The following KPNA7 variants were observed in gnomAD, a reference collection of about 807,000 sequenced individuals.
The protein encoded by KPNA7 is karyopherin subunit alpha 7, also known as importin subunit alpha-8.
KPNA7 carries 54 observed loss-of-function variants against 53.7 expected under a neutral mutation model. The ratio of observed to expected loss-of-function variants is 1.01; its 90% confidence interval spans 0.81 to 1.26. The LOEUF (loss-of-function observed/expected upper bound fraction) is 1.26. Among genes scored for constraint, KPNA7 ranks in the 50% most tolerant of loss-of-function variants. The pLI, the probability that KPNA7 is intolerant of heterozygous loss-of-function variation, is 0.00. For missense variants in KPNA7, 640 were observed against 644.5 expected (o/e 0.99, Z 0.07); for synonymous variants, 276 against 259.3 (o/e 1.06, Z -0.62).
intron 10 of KPNA7, among the ~76,000 whole-genome samples, chr7:99,175,485 CTTTATTTATTTATTTA>C (rs113345297): frequency 6.9e-5 from 10 of 145,438 alleles, no homozygotes; most frequent in East Asian, 6.0e-4. Flanking sequence ...GGCTTGAGAG[CTTTATTTATTTATTTA>C]TTTATTTATT....
chr7:99,154,070 G>T, the KPNA7 span, among the ~76,000 whole-genome samples: 1 of 151,362 alleles, frequency 6.6e-6, no homozygotes, highest in Non-Finnish European at 1.5e-5. Context: ...TGAAAGACAA[G>T]TAAATCAGGG....
chr7:99,164,928 G>A, the KPNA7 span, among the ~76,000 whole-genome samples: 52 of 151,730 alleles, frequency 3.4e-4, no homozygotes, highest in South Asian at 6.2e-4. Context: ...GCAAAACCCC[G>A]TCTGCTAAAA....
At chr7:99,207,302 G>T in intron 2 of KPNA7, 99 bp downstream of exon 2, 1 of 944,470 alleles carries the variant, frequency 1.1e-6, no homozygotes, top group Non-Finnish European at 1.7e-6. Context: ...CAAAGTGTTG[G>T]GATTACAGGC....
intron 3 of KPNA7, among the ~76,000 whole-genome samples, chr7:99,201,792 T>G (rs1790552793): frequency 6.6e-6 from 1 of 151,948 alleles, no homozygotes; most frequent in Non-Finnish European, 1.5e-5. Context: ...TAGTGCCACC[T>G]CTGCCTCCCA....
At chr7:99,178,109 C>A in intron 9 of KPNA7, 43 bp from the exon 10 acceptor site, 2 of 1,537,502 alleles carry the variant, frequency 1.3e-6, no homozygotes, top group Non-Finnish European at 1.8e-6. Context: ...CGGCAGGAGC[C>A]TTTGGGGGAT....
At chr7:99,163,377 ATATATATTTT>A in the KPNA7 span, among the ~76,000 whole-genome samples, 8 of 62,370 alleles carry the variant, frequency 1.3e-4, no homozygotes, top group Admixed American at 2.0e-4. Context: ...ATATATATAT[ATATATATTTT>A]TTTTTTTTTT....
chr7:99,177,767 G>A (rs1325404309), intron 10 of KPNA7, among the ~76,000 whole-genome samples, 153 bp downstream of exon 10: 3 of 151,748 alleles, frequency 2.0e-5, no homozygotes, highest in South Asian at 2.1e-4. Context: ...AGGGATAGGC[G>A]AGACACATTA....
chr7:99,155,204 A>G, the KPNA7 span, among the ~76,000 whole-genome samples: 5 of 151,956 alleles, frequency 3.3e-5, no homozygotes, highest in Admixed American at 2.0e-4. Flanking sequence ...TTCTATTTCT[A>G]CTTTTAAATA....
At chr7:99,156,426 T>C in the KPNA7 span, among the ~76,000 whole-genome samples, 44 of 152,276 alleles carry the variant, frequency 2.9e-4, no homozygotes, top group South Asian at 8.3e-4. Context: ...TATTCTGAAA[T>C]TTCACCGCAT....
At chr7:99,163,374 TA>T in the KPNA7 span, among the ~76,000 whole-genome samples, 112 of 63,170 alleles carry the variant, frequency 1.8e-3, 1 homozygote, top group East Asian at 3.8e-3. Flanking sequence ...TATATATATA[TA>T]TATATATATT....
At chr7:99,191,873 C>A (rs1789974265) in intron 6 of KPNA7, among the ~76,000 whole-genome samples, 1 of 152,210 alleles carries the variant, frequency 6.6e-6, no homozygotes. Flanking sequence ...TGGTCTCAAA[C>A]TCCTGACCTC....
the KPNA7 span, among the ~76,000 whole-genome samples, chr7:99,154,412 A>T: frequency 1.3e-5 from 2 of 152,094 alleles, no homozygotes; most frequent in Non-Finnish European, 2.9e-5. Flanking sequence ...TACATGTGTA[A>T]GCCACCACAC....
At chr7:99,207,276 G>C in intron 2 of KPNA7, 125 bp downstream of exon 2, 1 of 748,102 alleles carries the variant, frequency 1.3e-6, no homozygotes, top group Non-Finnish European at 2.3e-6. Flanking sequence ...CTTGTGATCT[G>C]CCCGTCTCAG....
chr7:99,205,712 G>T (rs879584784), intron 2 of KPNA7, among the ~76,000 whole-genome samples: 1 of 151,734 alleles, frequency 6.6e-6, no homozygotes, highest in Non-Finnish European at 1.5e-5. Flanking sequence ...TTAGCCAGGC[G>T]TAATTGTGCA....
intron 10 of KPNA7, 66 bp downstream of exon 10, chr7:99,177,854 G>T (rs1468435834): frequency 9.9e-6 from 15 of 1,510,572 alleles, no homozygotes; most frequent in Admixed American, 8.4e-5. Context: ...CCCCGGCAGG[G>T]TGACCCTCTG....
chr7:99,146,978 G>A, the KPNA7 span, among the ~76,000 whole-genome samples: 1 of 152,094 alleles, frequency 6.6e-6, no homozygotes, highest in African/African-American at 2.4e-5. Context: ...TCAAAAAATC[G>A]TAAGTCAAAC....
chr7:99,217,132 T>C (rs1486448945), intron 1 of KPNA7, among the ~76,000 whole-genome samples: 3 of 152,218 alleles, frequency 2.0e-5, no homozygotes, highest in South Asian at 2.1e-4. Context: ...TTAAAGGATA[T>C]AAATACTTCA....
intron 1 of KPNA7, among the ~76,000 whole-genome samples, chr7:99,218,274 G>A (rs1285071066): frequency 2.0e-5 from 3 of 152,124 alleles, no homozygotes; most frequent in Admixed American, 6.6e-5. Flanking sequence ...GGTGCACACT[G>A]CCATACCTGG....
At chr7:99,155,502 T>G in the KPNA7 span, among the ~76,000 whole-genome samples, 1 of 152,182 alleles carries the variant, frequency 6.6e-6, no homozygotes, top group Non-Finnish European at 1.5e-5. Context: ...TTACACATTT[T>G]TTTTTCTTGT....
Sources: gnomAD v4.1 joint callset for allele counts (sites outside exome capture counted in the v4.1 genomes callset) on GRCh38, gnomAD v4.1.1 for gene constraint, MANE v1.5 for transcripts, NCBI Gene and HGNC (gene_info 2026-07-23, HGNC 2026-07-21) for gene names.